NUP153: variants seen among roughly 807,000 people sequenced by gnomAD.
The protein encoded by NUP153 is nucleoporin 153, also known as nuclear pore complex protein Nup153.
Under a neutral mutation model 134.6 loss-of-function variants are expected in NUP153, and 27 were observed. That is an observed-to-expected ratio of 0.20 (90% CI 0.15 to 0.28). The LOEUF (loss-of-function observed/expected upper bound fraction) is 0.28, where lower values mean the gene tolerates loss of function less well. Among genes scored for constraint, NUP153 ranks in the 10% least tolerant of loss-of-function variants. The pLI, the probability that NUP153 is intolerant of heterozygous loss-of-function variation, is 1.00. For synonymous variants in NUP153, 640 were observed against 623.5 expected (o/e 1.03, Z -0.40); for missense variants, 1,821 against 1,731.3 (o/e 1.05, Z -0.92).
At position 17,616,024 on chromosome 6, in the gene NUP153, A is replaced by G; in HGVS notation, c.*73T>C. 1 of 1,108,128 alleles carries G rather than the reference A, an allele frequency of 9.0e-7. No individual in the cohort carries two copies. The highest frequency in any genetic ancestry group is 1.8e-5 in the Admixed American group (1 of 56,704). The allele number at this position is 1,108,128 out of a possible 1,614,324, so 68.6% of individuals were successfully genotyped here. A position where few individuals can be genotyped will look rare whatever the true frequency, so the allele number is the denominator to read the frequency against. On this transcript the variant is annotated 3_prime_UTR_variant, in exon 22 of 22. Transcript: ENST00000262077. ...AGATCTGACTTCAGATAACCCCAGC[A>G]CAAAGTACAATCCAGTATCTGAAAG...
chr6:17,654,548 C>T (rs1766696145), intron 11 of NUP153, among the ~76,000 whole-genome samples: 1 of 152,144 alleles, frequency 6.6e-6, no homozygotes, highest in Non-Finnish European at 1.5e-5. Context: ...TCTCGAATTC[C>T]TGACCTCGTG....
chr6:17,646,918 CTTTT>C (rs376244443), intron 13 of NUP153, among the ~76,000 whole-genome samples: 2 of 131,110 alleles, frequency 1.5e-5, no homozygotes, highest in Admixed American at 7.8e-5. Flanking sequence ...TCTGTATTTT[CTTTT>C]TTTTTTTTTT....
chr6:17,699,455 C>T (rs1320465622), intron 1 of NUP153, among the ~76,000 whole-genome samples: 1 of 149,118 alleles, frequency 6.7e-6, no homozygotes, highest in Non-Finnish European at 1.5e-5. Flanking sequence ...TGCACTTCAG[C>T]CTGGGTGACA....
At chr6:17,681,124 T>C (rs1768548807) in intron 2 of NUP153, among the ~76,000 whole-genome samples, 1 of 151,362 alleles carries the variant, frequency 6.6e-6, no homozygotes, top group Admixed American at 6.6e-5. Flanking sequence ...TTTGCAACAA[T>C]ATAGATGGAA....
rs567411554 is a variant in NUP153, at chr6:17,655,157, T to C, written c.1396-5857A>G. On this transcript the variant is annotated intron_variant, in intron 11 of 21. Transcript: ENST00000262077. Reference sequence around the variant, plus strand: ...ACACACAAAAAAACTCATGGATTGATTGGTAGGACAGTAAAAGCAAAAGGC... The same window carrying C: ...ACACACAAAAAAACTCATGGATTGACTGGTAGGACAGTAAAAGCAAAAGGC... 5.9e-5 allele frequency among the ~76,000 whole-genome samples: 9 copies of C among 152,334 alleles called. No individual in the cohort carries two copies. The East Asian group carries it at 1.4e-3, about 23-fold the overall frequency.
At chr6:17,660,718 T>C (rs559909742) in intron 11 of NUP153, among the ~76,000 whole-genome samples, 10 of 152,240 alleles carry the variant, frequency 6.6e-5, no homozygotes, top group African/African-American at 2.2e-4. Flanking sequence ...GGTGGAAATG[T>C]TGAACTGCAA....
intron 9 of NUP153, among the ~76,000 whole-genome samples, chr6:17,664,801 C>T (rs539010146): frequency 6.6e-6 from 1 of 152,052 alleles, no homozygotes; most frequent in East Asian, 1.9e-4. Context: ...ATCTGTAATC[C>T]CAGCACTTTG....
chr6:17,704,291 CAAAAA>C (rs377303845), intron 1 of NUP153, among the ~76,000 whole-genome samples: 1 of 96,430 alleles, frequency 1.0e-5, no homozygotes. Context: ...GACTCCGTCT[CAAAAA>C]AAAAAAAAAA....
At chr6:17,618,817 T>C (rs1017363085) in intron 20 of NUP153, among the ~76,000 whole-genome samples, 25 of 152,274 alleles carry the variant, frequency 1.6e-4, no homozygotes, top group South Asian at 4.1e-4. Flanking sequence ...CTGCCCGCCT[T>C]GGCCTCCCAA....
At position 17,637,505 on chromosome 6, in the gene NUP153, G is replaced by A; in HGVS notation, c.2112C>T (p.Gly704=). The A allele has an allele frequency of 2.5e-6, 4 of 1,614,148 alleles. No individual in the cohort carries two copies. The highest frequency in any genetic ancestry group is 3.4e-6 in the Non-Finnish European group (4 of 1,180,010). The stretch of plus-strand genomic sequence containing the variant: ...TCCCTGATGCAGAAAGAGTTGTTTT[G>A]CCACTTTTATTTGGTGTTTCAATTC... ...QTGIETPNKS[G]KTTLSASGTG... The change falls in exon 16 of 22, where the codon GGC becomes GGT. Residue 704 remains glycine (G), a synonymous_variant. Coordinates refer to ENST00000262077, the MANE Select transcript of NUP153 (RefSeq NM_005124.4).
intron 8 of NUP153, among the ~76,000 whole-genome samples, chr6:17,665,845 C>T (rs552357135): frequency 5.9e-5 from 9 of 152,064 alleles, no homozygotes; most frequent in East Asian, 3.9e-4. Context: ...CCACCACACC[C>T]GGCTAATTTT....
chr6:17,700,539 T>TA (rs1769986308), intron 1 of NUP153, among the ~76,000 whole-genome samples: 1 of 152,166 alleles, frequency 6.6e-6, no homozygotes, highest in Admixed American at 6.6e-5. Context: ...AAATAAAAGT[T>TA]AAAAACTTGG....
At chr6:17,668,223 G>A (rs573137366) in intron 8 of NUP153, among the ~76,000 whole-genome samples, 2 of 151,618 alleles carry the variant, frequency 1.3e-5, no homozygotes, top group Admixed American at 6.6e-5. Flanking sequence ...TTACAGGTGC[G>A]CACCGCCACA....
At chr6:17,686,690 A>G (rs996075526) in intron 2 of NUP153, among the ~76,000 whole-genome samples, 30 of 147,216 alleles carry the variant, frequency 2.0e-4, no homozygotes, top group African/African-American at 6.6e-4. Context: ...AAAAGTTAAG[A>G]AAAAAAAACA....
At chr6:17,698,796 G>C (rs1015588948) in intron 1 of NUP153, among the ~76,000 whole-genome samples, 1 of 146,156 alleles carries the variant, frequency 6.8e-6, no homozygotes, top group Middle Eastern at 3.6e-3. Context: ...TTGAATCCCA[G>C]AGCGGGGCGG....
At chr6:17,661,530 T>C in intron 11 of NUP153, 123 bp downstream of exon 11, 2 of 833,376 alleles carry the variant, frequency 2.4e-6, no homozygotes, top group Non-Finnish European at 3.5e-6. Flanking sequence ...AAAGAACTGA[T>C]TCAATAGCAG....
intron 18 of NUP153, among the ~76,000 whole-genome samples, chr6:17,627,702 A>G (rs1302369052): frequency 6.6e-6 from 1 of 152,210 alleles, no homozygotes; most frequent in Non-Finnish European, 1.5e-5. Context: ...ACAGAATTCT[A>G]GGTTCAAGAA....
At chr6:17,676,239 A>G (rs9396788) in intron 2 of NUP153, among the ~76,000 whole-genome samples, 67,064 of 151,956 alleles carry the variant, frequency 0.44, 15,688 homozygotes, top group Middle Eastern at 0.74. Flanking sequence ...ATTCGGCTTC[A>G]CTGTTTTCCA....
At chr6:17,641,573 C>A (rs1765843349) in intron 14 of NUP153, among the ~76,000 whole-genome samples, 1 of 151,484 alleles carries the variant, frequency 6.6e-6, no homozygotes, top group Admixed American at 6.6e-5. Flanking sequence ...AACAAAAAGG[C>A]CAGGCAGCGG....
Sources: allele counts gnomAD v4.1 joint callset (sites outside exome capture counted in the v4.1 genomes callset), GRCh38; gene constraint gnomAD v4.1.1; transcripts MANE v1.5; gene names NCBI Gene and HGNC (gene_info 2026-07-23, HGNC 2026-07-21).